Variants in KIF26B observed in about 807,000 individuals in gnomAD.
The protein encoded by KIF26B is kinesin-like protein KIF26B.
Under a neutral mutation model 151.2 loss-of-function variants are expected in KIF26B, and 63 were observed. The observed-to-expected ratio is 0.42, with a 90% CI of 0.34 to 0.51. The LOEUF is 0.51. Among genes scored for constraint, KIF26B ranks in the 20% least tolerant of loss-of-function variants. The pLI, the probability that KIF26B is intolerant of heterozygous loss-of-function variation, is 0.07. For missense variants in KIF26B, 2,813 were observed against 2,913.6 expected (o/e 0.97, Z 0.79); for synonymous variants, 1,357 against 1,262.1 (o/e 1.08, Z -1.59).
At chr1:245,482,472 G>A (rs1017265678) in intron 4 of KIF26B, among the ~76,000 whole-genome samples, 4 of 151,836 alleles carry the variant, frequency 2.6e-5, no homozygotes, top group African/African-American at 9.7e-5. Flanking sequence ...AGAAATGCAT[G>A]TTGTTTTATA....
At chr1:245,282,946 A>G in intron 2 of KIF26B, 1 of 317,994 alleles carries the variant, frequency 3.1e-6, no homozygotes, top group South Asian at 3.7e-5. Context: ...CCTCTGTAGT[A>G]GCCACCACCG....
chr1:245,569,437 G>A (rs990428106), intron 5 of KIF26B, among the ~76,000 whole-genome samples: 1 of 151,938 alleles, frequency 6.6e-6, no homozygotes, highest in Non-Finnish European at 1.5e-5. Flanking sequence ...GCAGAAACTT[G>A]TCTCTACAAA....
At chr1:245,657,118 T>G (rs561999347) in intron 10 of KIF26B, among the ~76,000 whole-genome samples, 14 of 135,056 alleles carry the variant, frequency 1.0e-4, no homozygotes, top group African/African-American at 4.3e-4. Flanking sequence ...TTTCACTCCC[T>G]ACCGATGAGA....
intron 3 of KIF26B, among the ~76,000 whole-genome samples, chr1:245,400,920 C>A (rs1461063413): frequency 6.6e-6 from 1 of 151,962 alleles, no homozygotes; most frequent in Non-Finnish European, 1.5e-5. Flanking sequence ...CCAAAAAAAA[C>A]CCAACTCATT....
At chr1:245,344,708 G>A (rs1469909099) in intron 2 of KIF26B, among the ~76,000 whole-genome samples, 2 of 151,826 alleles carry the variant, frequency 1.3e-5, no homozygotes, top group East Asian at 2.0e-4. Context: ...GGCAGCCTTA[G>A]GTTCTGCTTA....
chr1:245,702,328 C>A lies in KIF26B; in HGVS notation c.6179-130C>A. 1 of 932,166 alleles carries A rather than the reference C, an allele frequency of 1.1e-6. No homozygotes were observed. The highest frequency in any genetic ancestry group is 1.6e-6 in the Non-Finnish European group (1 of 607,684). The allele number at this position is 932,166 out of a possible 1,614,324, so 57.7% of individuals were successfully genotyped here. A position where few individuals can be genotyped will look rare whatever the true frequency, so the allele number is the denominator to read the frequency against. ...CAGGCAGGAGGGAACTCTGCAGTGG[C>A]CTAAGGCAAGCGAACTAGACCTTTA... On this transcript the variant is annotated intron_variant, in intron 14 of 14. Coordinates refer to ENST00000407071, the MANE Select transcript of KIF26B (RefSeq NM_018012.4). This position sits in a 1 kb window ranked among gnomAD's most constrained non-coding sequence, Gnocchi z 4.1.
intron 2 of KIF26B, among the ~76,000 whole-genome samples, chr1:245,200,858 A>G (rs569888296): frequency 7.9e-5 from 12 of 152,360 alleles, no homozygotes; most frequent in Non-Finnish European, 1.5e-4. Flanking sequence ...GAGTAAAGGC[A>G]TAATACTGAT....
At chr1:245,359,524 G>A (rs76158263) in intron 2 of KIF26B, among the ~76,000 whole-genome samples, 5,031 of 152,210 alleles carry the variant, frequency 0.033, 244 homozygotes, top group African/African-American at 0.11. Flanking sequence ...GGAAATGAAC[G>A]CCTCTTGGAG....
At chr1:245,441,927 A>G (rs1659115464) in intron 4 of KIF26B, among the ~76,000 whole-genome samples, 2 of 152,182 alleles carry the variant, frequency 1.3e-5, no homozygotes, top group South Asian at 4.1e-4. Flanking sequence ...ACACTGGCAG[A>G]CGGAAGCAGG....
At chr1:245,592,255 G>A (rs1475665371) in intron 5 of KIF26B, among the ~76,000 whole-genome samples, 2 of 152,200 alleles carry the variant, frequency 1.3e-5, no homozygotes, top group Non-Finnish European at 2.9e-5. Flanking sequence ...CCTCGGAGAA[G>A]CCAGCCGCCC....
In KIF26B at chr1:245,516,407, G is replaced by C. The variant is rs1344626781; in HGVS notation, c.1167-24360G>C. Among the ~76,000 whole-genome samples, 1 of 152,176 alleles carries C rather than the reference G, an allele frequency of 6.6e-6. No individual in the cohort carries two copies. The highest frequency in any genetic ancestry group is 1.5e-5 in the Non-Finnish European group (1 of 68,030). ...GAGGATGACATGAAATCATGTACGC[G>C]AGCGTGATTTGCTACTAGGCAGCTC... On this transcript the variant is annotated intron_variant, in intron 4 of 14. Coordinates refer to ENST00000407071, the MANE Select transcript of KIF26B (RefSeq NM_018012.4). The surrounding 1 kb of genome is among the most constrained non-coding windows in gnomAD (Gnocchi z 4.2).
chr1:245,377,201 C>G (rs886855203), intron 3 of KIF26B, among the ~76,000 whole-genome samples: 3 of 152,252 alleles, frequency 2.0e-5, no homozygotes, highest in African/African-American at 7.2e-5. Flanking sequence ...AGGCGTGAGC[C>G]ACCGCCCCCA....
In KIF26B at chr1:245,267,423, G is replaced by A. The variant is rs76404445; in HGVS notation, c.466-99411G>A. Reference sequence around the variant, plus strand: ...AGCAGAGGACTAATCTGTGGATTGAGTTGAGGCACAACCCTGTGAGTGCCC... The same window carrying A: ...AGCAGAGGACTAATCTGTGGATTGAATTGAGGCACAACCCTGTGAGTGCCC... On this transcript the variant is annotated intron_variant, in intron 2 of 14. Transcript: ENST00000407071. Among the ~76,000 whole-genome samples, 27 of 152,302 alleles carry A rather than the reference G, an allele frequency of 1.8e-4. No homozygotes were observed. In the East Asian group the frequency reaches 4.6e-3, roughly 26 times the overall value.
chr1:245,449,573 T>C (rs967563823), intron 4 of KIF26B, among the ~76,000 whole-genome samples: 1 of 152,190 alleles, frequency 6.6e-6, no homozygotes, highest in Non-Finnish European at 1.5e-5. Flanking sequence ...GCGTTTCCAC[T>C]TTGTACTGTT....
chr1:245,198,063 C>T (rs530845001), intron 2 of KIF26B, among the ~76,000 whole-genome samples: 2 of 152,348 alleles, frequency 1.3e-5, no homozygotes, highest in South Asian at 4.1e-4. Flanking sequence ...TCCCTTCCTC[C>T]TACCACCCAC....
intron 2 of KIF26B, among the ~76,000 whole-genome samples, chr1:245,322,553 GAC>G (rs1411534524): frequency 1.3e-5 from 2 of 152,144 alleles, no homozygotes; most frequent in Non-Finnish European, 2.9e-5. Context: ...TGATGGAAGA[GAC>G]AGTACTCTAA....
At chr1:245,657,941 C>T (rs2147930468) in intron 10 of KIF26B, among the ~76,000 whole-genome samples, 1 of 152,268 alleles carries the variant, frequency 6.6e-6, no homozygotes, top group East Asian at 1.9e-4. Flanking sequence ...TAGAACATTC[C>T]ACTAGCTCAG....
At chr1:245,193,758 C>T (rs1669148247) in intron 2 of KIF26B, among the ~76,000 whole-genome samples, 2 of 152,208 alleles carry the variant, frequency 1.3e-5, no homozygotes, top group Non-Finnish European at 2.9e-5. Context: ...AGTCATCTGT[C>T]GCCAGAGCGT....
At position 245,215,681 on chromosome 1, in the gene KIF26B, C is replaced by T. The variant is rs141927089; in HGVS notation, c.465+58998C>T. ...CTGGTCTCTGCTCCTGAGAGGCTTACAGCCCCTTTTAGGGTATGTGCTGGA... is the reference window on the plus strand; with the variant it reads ...CTGGTCTCTGCTCCTGAGAGGCTTATAGCCCCTTTTAGGGTATGTGCTGGA... On this transcript the variant is annotated intron_variant, in intron 2 of 14. Coordinates refer to ENST00000407071, the MANE Select transcript of KIF26B (RefSeq NM_018012.4). Among the ~76,000 whole-genome samples, 29 of 152,324 alleles carry T rather than the reference C, an allele frequency of 1.9e-4. No homozygotes were observed. The East Asian group carries it at 5.6e-3, about 29-fold the overall frequency.
Sources: gnomAD v4.1 joint callset for allele counts (sites outside exome capture counted in the v4.1 genomes callset) on GRCh38, gnomAD v4.1.1 for gene constraint, Gnocchi (gnomAD v3.1) non-coding constraint, MANE v1.5 for transcripts, NCBI Gene and HGNC (gene_info 2026-07-23, HGNC 2026-07-21) for gene names.